The following DNAH1 variants were observed in gnomAD, a reference collection of about 807,000 sequenced individuals.
The protein encoded by DNAH1 is dynein axonemal heavy chain 1.
In DNAH1, 327 loss-of-function variants were observed where a neutral mutation model predicts 484.3. That is an observed-to-expected ratio of 0.68 (90% CI 0.62 to 0.74). The LOEUF is 0.74. Ranked by LOEUF, DNAH1 falls within the 30% of genes least tolerant of loss-of-function variation. The pLI, the probability that DNAH1 is intolerant of heterozygous loss-of-function variation, is 0.00. For missense variants in DNAH1, 5,052 were observed against 5,546.8 expected, an observed-to-expected ratio of 0.91 and a Z score of 2.83; for synonymous variants, 2,192 against 2,191.9, an observed-to-expected ratio of 1.00 and a Z score of 0.00.
chr3:52,358,843 G>T lies in DNAH1; in HGVS notation c.4266+106G>T. On this transcript the variant is annotated intron_variant, in intron 25 of 77. Transcript: ENST00000420323. The surrounding 1 kb of genome is among the most constrained non-coding windows in gnomAD (Gnocchi z 4.2). ...CTCGTCCTCAGGCTGCAGCCCTGAG[G>T]TCCCTGGGGGCTCAGGCGGGATTCT... The T allele has an allele frequency of 1.5e-6, 2 of 1,340,970 alleles. No homozygotes were observed. The highest frequency in any genetic ancestry group is 1.3e-5 in the South Asian group (1 of 77,106). 83.1% of individuals were successfully genotyped at this position (1,340,970 alleles called of 1,614,324 possible).
At chr3:52,370,868 C>T in intron 41 of DNAH1, 43 bp downstream of exon 41, 1 of 1,543,154 alleles carries the variant, frequency 6.5e-7, no homozygotes, top group South Asian at 1.2e-5. Context: ...GGAGGGACCA[C>T]TGGGTGGCTG....
chr3:52,373,356 G>A (rs1293742560), intron 44 of DNAH1, among the ~76,000 whole-genome samples: 1 of 152,206 alleles, frequency 6.6e-6, no homozygotes, highest in Non-Finnish European at 1.5e-5. Context: ...GCTGCTGCGG[G>A]GGCAGGAAGC....
At chr3:52,312,060 G>C (rs1235393421), upstream of DNAH1, among the ~76,000 whole-genome samples, 1 of 152,358 alleles carries the variant, frequency 6.6e-6, no homozygotes, top group East Asian at 1.9e-4. Flanking sequence ...TTCTCTGAGA[G>C]CCAGCCAAGA....
upstream of DNAH1, among the ~76,000 whole-genome samples, chr3:52,311,853 A>AC (rs1475868076): frequency 6.6e-6 from 1 of 151,550 alleles, no homozygotes; most frequent in African/African-American, 2.4e-5. Flanking sequence ...GCCCACAGGG[A>AC]CCCCCCTCCT....
chr3:52,322,175 G>A (rs1190911811), intron 1 of DNAH1, among the ~76,000 whole-genome samples: 1 of 152,106 alleles, frequency 6.6e-6, no homozygotes, highest in Non-Finnish European at 1.5e-5. Context: ...AACTCTGGGT[G>A]GGCTCATTTC....
In DNAH1 at chr3:52,386,835, C is replaced by T; in HGVS notation, c.8985C>T (p.Ser2995=). ...AGGACCCGGGCCACTTCCTTGAGAG[C>T]CTCTTCAAGTTTGACAAGGTAAGCA... The part of the protein sequence containing the change: ...LLQDPGHFLE[S]LFKFDKDNIG... The change falls in exon 56 of 78, where the codon AGC becomes AGT. Residue 2995 remains serine (S), a synonymous_variant. Transcript: ENST00000420323. 6.3e-7 allele frequency: 1 copy of T among 1,578,102 alleles called. No homozygotes were observed. The highest frequency in any genetic ancestry group is 1.2e-5 in the South Asian group (1 of 85,864).
At position 52,395,242 on chromosome 3, in the gene DNAH1, C is replaced by T. The variant is rs1251867068; in HGVS notation, c.10969-66C>T. 2.6e-6 allele frequency: 4 copies of T among 1,555,348 alleles called. No homozygotes were observed. Among genetic ancestry groups the T allele is most frequent in the South Asian group, 2.4e-5 (2 of 84,184 alleles). On this transcript the variant is annotated intron_variant, in intron 68 of 77. Coordinates refer to ENST00000420323, the MANE Select transcript of DNAH1 (RefSeq NM_015512.5). The surrounding 1 kb of genome is among the most constrained non-coding windows in gnomAD (Gnocchi z 4.4). ...GGGGACCACTCTGAGAACCCCAGAT[C>T]CCCCTCCCTTGCCCCGATCTCTCTG...
chr3:52,357,440 A>AT (rs1702658799), intron 22 of DNAH1, among the ~76,000 whole-genome samples, 174 bp from the exon 23 acceptor site: 1 of 151,690 alleles, frequency 6.6e-6, no homozygotes, highest in African/African-American at 2.4e-5. Context: ...TGACCGTAGA[A>AT]TTTTTTCTGT....
Position 52,395,075 on chromosome 3 carries a change from C to T in DNAH1, c.10968+16C>T, listed in dbSNP as rs1578204424. On this transcript the variant is annotated intron_variant, in intron 68 of 77. Coordinates refer to ENST00000420323, the MANE Select transcript of DNAH1 (RefSeq NM_015512.5). This position sits in a 1 kb window ranked among gnomAD's most constrained non-coding sequence, Gnocchi z 4.4. The stretch of plus-strand genomic sequence containing the variant: ...TGAACCCCAGGCAAGTGCTGGAACC[C>T]TGGCAGGACTGGCACCTTGAGCTTG... 1 of 1,599,484 alleles carries T rather than the reference C, an allele frequency of 6.3e-7. No homozygotes were observed. Among genetic ancestry groups the T allele is most frequent in the Non-Finnish European group, 8.5e-7 (1 of 1,173,002 alleles).
At chr3:52,350,380 C>A in intron 15 of DNAH1, 128 bp from the exon 16 acceptor site, 1 of 1,020,378 alleles carries the variant, frequency 9.8e-7, no homozygotes. Flanking sequence ...GCCTCCTCCC[C>A]TGGCCCAGAC....
At chr3:52,334,221 A>G (rs548891196) in intron 8 of DNAH1, among the ~76,000 whole-genome samples, 4 of 152,354 alleles carry the variant, frequency 2.6e-5, no homozygotes, top group Admixed American at 2.0e-4. Flanking sequence ...GGCAACTGTA[A>G]CACAACGGCA....
At chr3:52,359,509 G>A (rs150683754) in intron 26 of DNAH1, 123 bp downstream of exon 26, 3 of 1,359,556 alleles carry the variant, frequency 2.2e-6, no homozygotes, top group African/African-American at 2.9e-5. Context: ...GGGTCTAAAG[G>A]GGAGGTCAGA....
intron 8 of DNAH1, 128 bp from the exon 9 acceptor site, chr3:52,344,362 C>A: frequency 1.7e-6 from 2 of 1,159,340 alleles, no homozygotes; most frequent in African/African-American, 1.6e-5. Context: ...TGGGGGTGTG[C>A]CCATGAATCC....
In DNAH1 at chr3:52,388,869, A is replaced by C. The variant is rs201358297; in HGVS notation, c.9427A>C (p.Met3143Leu). 4 of 1,613,658 alleles carry C rather than the reference A, an allele frequency of 2.5e-6. No homozygotes were observed. The highest frequency in any genetic ancestry group is 3.4e-6 in the Non-Finnish European group (4 of 1,179,842). ...GGAGACGGTGGAGAACCTGCAGTAC[A>C]TGCTCAACAACATCTCCGGCGATGT... Reference protein sequence around the residue: ...WQETVENLQYMLNNISGDVLV... With the variant: ...WQETVENLQYLLNNISGDVLV... The change falls in exon 59 of 78, where the codon ATG becomes CTG. Residue 3143 changes from methionine (M) to leucine (L), a missense_variant. Coordinates refer to ENST00000420323, the MANE Select transcript of DNAH1 (RefSeq NM_015512.5).
chr3:52,388,642 G>A (rs988071552), intron 58 of DNAH1, 33 bp downstream of exon 58: 21 of 1,611,648 alleles, frequency 1.3e-5, no homozygotes, highest in Non-Finnish European at 1.7e-5. Flanking sequence ...GCCTGCAAGC[G>A]GGCCCGGCCC....
In DNAH1 at chr3:52,384,769, T is replaced by G. The variant is rs768380868; in HGVS notation, c.8323-17T>G. ...GGGGCCTCTACCAGGCCGGCATCCATGGTCTTCCTCCCCCAGATCCAGGTC... is the reference window on the plus strand; with the variant it reads ...GGGGCCTCTACCAGGCCGGCATCCAGGGTCTTCCTCCCCCAGATCCAGGTC... On this transcript the variant is annotated splice_polypyrimidine_tract_variant and intron_variant, in intron 52 of 77. Coordinates refer to ENST00000420323, the MANE Select transcript of DNAH1 (RefSeq NM_015512.5). 1 of 1,582,648 alleles carries G rather than the reference T, an allele frequency of 6.3e-7. No individual in the cohort carries two copies. Among genetic ancestry groups the G allele is most frequent in the Non-Finnish European group, 8.6e-7 (1 of 1,163,632 alleles).
At chr3:52,400,217 G>T (rs1011929259) in intron 77 of DNAH1, 108 bp from the exon 78 acceptor site, 3 of 1,489,700 alleles carry the variant, frequency 2.0e-6, no homozygotes, top group Non-Finnish European at 2.7e-6. Context: ...TTGGGTCAGG[G>T]CCCCCTCCCT....
In DNAH1 at chr3:52,396,681, C is replaced by T. The variant is rs200962458; in HGVS notation, c.11494C>T (p.Arg3832Cys). ...GTTCCATGGGAACGCCCTGGAGCGC[C>T]GTAAGTTTGGGCCCCTGGGCTTCAA... ...CLFHGNALER[R>C]KFGPLGFNIP... The change falls in exon 72 of 78, where the codon CGT becomes TGT. Residue 3832 changes from arginine to cysteine, a missense_variant. Physicochemically the swap from Arg to Cys is radical, Grantham distance 180 (BLOSUM62 -3). Transcript: ENST00000420323. The T allele has an allele frequency of 3.5e-3, 5,583 of 1,613,720 alleles. 21 individuals carry two copies. Among genetic ancestry groups the T allele is most frequent in the Non-Finnish European group, 3.2e-3 (3,798 of 1,179,870 alleles).
chr3:52,359,823 G>T, intron 26 of DNAH1, 93 bp from the exon 27 acceptor site: 3 of 1,519,376 alleles, frequency 2.0e-6, no homozygotes, highest in Non-Finnish European at 2.7e-6. Context: ...AGGATAGAGG[G>T]ACTGTTTGTG....
Sources: allele counts gnomAD v4.1 joint callset (sites outside exome capture counted in the v4.1 genomes callset), GRCh38; gene constraint gnomAD v4.1.1; non-coding constraint Gnocchi (gnomAD v3.1); transcripts MANE v1.5; gene names NCBI Gene and HGNC (gene_info 2026-07-23, HGNC 2026-07-21).